The following PTPRG variants were observed in gnomAD, a reference collection of about 807,000 sequenced individuals.
PTPRG encodes the protein receptor-type tyrosine-protein phosphatase gamma.
A neutral mutation model predicts 165.3 loss-of-function variants in PTPRG; 102 were observed. That is an observed-to-expected ratio of 0.62 (90% CI 0.53 to 0.73). PTPRG has a LOEUF of 0.73. PTPRG is among the 30% of genes least tolerant of loss of function. PTPRG has a pLI of 0.00. For synonymous variants in PTPRG, 675 were observed against 669.5 expected (o/e 1.01, Z -0.13); for missense variants, 1,866 against 1,861.4 (o/e 1.00, Z -0.05).
At position 62,192,651 on chromosome 3, in the gene PTPRG, T is replaced by C. The variant is rs576703302; in HGVS notation, c.1218+998T>C. Among the ~76,000 whole-genome samples, 398 of 152,092 alleles carry C rather than the reference T, an allele frequency of 2.6e-3. 1 individual carries two copies. Among genetic ancestry groups the C allele is most frequent in the African/African-American group, 9.3e-3 (384 of 41,486 alleles). ...TGGTCTCCATCTCCTGACCTCATGA[T>C]CCGCCCACCTCGGCCTCCCAAAGTG... is the stretch of plus-strand genomic sequence containing the variant. On this transcript the variant is annotated intron_variant, in intron 9 of 29. Transcript: ENST00000474889.
At chr3:62,035,122 T>C (rs1316437926) in intron 4 of PTPRG, among the ~76,000 whole-genome samples, 7 of 152,160 alleles carry the variant, frequency 4.6e-5, no homozygotes, top group African/African-American at 1.7e-4. Flanking sequence ...AAAGTTAAAA[T>C]CTGAACACCG....
chr3:61,863,458 G>A (rs2037326983), intron 2 of PTPRG, among the ~76,000 whole-genome samples: 1 of 152,230 alleles, frequency 6.6e-6, no homozygotes, highest in Admixed American at 6.5e-5. Context: ...TTGGGAGCAA[G>A]GCAATTAGAA....
intron 1 of PTPRG, among the ~76,000 whole-genome samples, chr3:61,562,613 G>A (rs1699789544): frequency 6.6e-6 from 1 of 151,718 alleles, no homozygotes; most frequent in Non-Finnish European, 1.5e-5. Context: ...GGGGGACGCG[G>A]GGGTCTGCTC....
At chr3:62,068,582 C>T (rs919759403) in intron 4 of PTPRG, among the ~76,000 whole-genome samples, 5 of 152,102 alleles carry the variant, frequency 3.3e-5, no homozygotes, top group African/African-American at 4.8e-5. Flanking sequence ...CTCAAGTGAT[C>T]CTCCTGCCTC....
intron 5 of PTPRG, among the ~76,000 whole-genome samples, chr3:62,096,668 C>T (rs1471290790): frequency 3.3e-5 from 5 of 152,064 alleles, no homozygotes; most frequent in East Asian, 3.9e-4. Context: ...TGGGGGATTT[C>T]GTTAGTGTAT....
Position 61,676,471 on chromosome 3 carries a change from A to AAAAAAAAAAAAAAAAAAAAAAAAG in PTPRG, c.86-72404_86-72403insAAAAAAAAAAAAAAAAAAAAGAAA, listed in dbSNP as rs369505317. On this transcript the variant is annotated intron_variant, in intron 1 of 29. Coordinates refer to ENST00000474889, the MANE Select transcript of PTPRG (RefSeq NM_002841.4). Reference sequence around the variant, plus strand: ...GACTCCATCTCAAAAAAAAAAAAAAAAAAGAAAATTACTAAAGTCTGTGAA... The same window carrying AAAAAAAAAAAAAAAAAAAAAAAAG: ...GACTCCATCTCAAAAAAAAAAAAAAAAAAAAAAAAAAAAAAAAAAAAAAGAAAGAAAATTACTAAAGTCTGTGAA... Among the ~76,000 whole-genome samples the AAAAAAAAAAAAAAAAAAAAAAAAG allele has an allele frequency of 1.3e-3, 130 of 99,040 alleles. 20 individuals carry two copies. The highest frequency in any genetic ancestry group is 6.2e-3 in the Middle Eastern group (1 of 162). 65.0% of individuals were successfully genotyped at this position (99,040 alleles called of 152,430 possible).
At position 61,878,929 on chromosome 3, in the gene PTPRG, T is replaced by C. The variant is rs183072115; in HGVS notation, c.191-110696T>C. Among the ~76,000 whole-genome samples, 413 of 152,352 alleles carry C rather than the reference T, an allele frequency of 2.7e-3. 1 individual carries two copies. The Middle Eastern group carries it at 0.034, about 13-fold the overall frequency. On this transcript the variant is annotated intron_variant, in intron 2 of 29. Transcript: ENST00000474889. ...ATGGTTTTACTAGTAAGGCGTCTTA[T>C]TTTATAAGATCACTAACCTGTGCAT...
Position 62,282,865 on chromosome 3 carries a change from G to C in PTPRG, c.4051G>C (p.Asp1351His). 4 of 1,606,330 alleles carry C rather than the reference G, an allele frequency of 2.5e-6. No homozygotes were observed. Among genetic ancestry groups the C allele is most frequent in the Non-Finnish European group, 3.4e-6 (4 of 1,175,672 alleles). ...AAGGGATGGTCCCACCATTGTTCAT[G>C]ATGAGTATGTATCTGTTTCTTAATT... ...LTRDGPTIVH[D>H]EYGAVSAGML... is the part of the protein sequence containing the mutation. Residue 1351 changes from aspartate (D) to histidine (H), a missense_variant, in exon 28 of 30, where the codon GAT becomes CAT. This residue lies in a region of PTPRG where 1,452 missense variants were observed against 1,463.0 expected (regional missense o/e 0.99). Coordinates refer to ENST00000474889, the MANE Select transcript of PTPRG (RefSeq NM_002841.4).
At chr3:62,179,600 C>T (rs917418663) in intron 8 of PTPRG, among the ~76,000 whole-genome samples, 1 of 152,220 alleles carries the variant, frequency 6.6e-6, no homozygotes, top group African/African-American at 2.4e-5. Context: ...GCGTATGGAC[C>T]TATTTGCCAG....
intron 1 of PTPRG, among the ~76,000 whole-genome samples, chr3:61,653,321 C>CT (rs149611763): frequency 4.0e-5 from 6 of 151,098 alleles, no homozygotes; most frequent in Non-Finnish European, 5.9e-5. Context: ...AATTATCCCC[C>CT]TTTTTTTTTC....
intron 2 of PTPRG, among the ~76,000 whole-genome samples, chr3:61,849,814 G>A (rs765034291): frequency 6.6e-6 from 1 of 152,168 alleles, no homozygotes; most frequent in Non-Finnish European, 1.5e-5. Context: ...TTTGCTGGGA[G>A]CCATCGTTCC....
chr3:61,563,411 C>A (rs2886519), intron 1 of PTPRG, among the ~76,000 whole-genome samples: 2 of 151,742 alleles, frequency 1.3e-5, no homozygotes, highest in Non-Finnish European at 2.9e-5. Flanking sequence ...CTCCTCTCTC[C>A]CCTGGGGAGG....
intron 3 of PTPRG, among the ~76,000 whole-genome samples, chr3:61,992,286 T>C (rs771966685): frequency 3.3e-5 from 5 of 152,128 alleles, no homozygotes; most frequent in Non-Finnish European, 7.4e-5. Context: ...TTTTAACTTA[T>C]GGTGGTTTAG....
intron 5 of PTPRG, chr3:62,118,319 A>G (rs1371400922): frequency 6.6e-6 from 1 of 152,216 alleles, no homozygotes; most frequent in Non-Finnish European, 1.5e-5. Context: ...CTGTGTTCCA[A>G]TAAAACTTTA....
Position 61,636,549 on chromosome 3 carries a change from C to T in PTPRG, c.85+74177C>T, listed in dbSNP as rs1050705338. Among the ~76,000 whole-genome samples the T allele has an allele frequency of 8.5e-5, 13 of 152,264 alleles. No individual in the cohort carries two copies. The South Asian group carries it at 2.5e-3, about 29-fold the overall frequency. ...GTTGGTCAGGCTGGTCTCGAACTCC[C>T]GGCCTCAAGTGATCTGCCTGCCTTG... is the stretch of plus-strand genomic sequence containing the variant. On this transcript the variant is annotated intron_variant, in intron 1 of 29. Transcript: ENST00000474889.
At chr3:61,781,659 CTG>C (rs1270906815) in intron 2 of PTPRG, among the ~76,000 whole-genome samples, 2 of 152,122 alleles carry the variant, frequency 1.3e-5, no homozygotes, top group Non-Finnish European at 2.9e-5. Context: ...CTATTCAGCT[CTG>C]AATGTAGACA....
At chr3:61,854,672 C>A (rs556314570) in intron 2 of PTPRG, among the ~76,000 whole-genome samples, 72 of 152,254 alleles carry the variant, frequency 4.7e-4, no homozygotes, top group African/African-American at 1.7e-3. Flanking sequence ...AGATGAGATA[C>A]AGGAAGGTCT....
At chr3:61,932,344 C>G (rs1380598208) in intron 2 of PTPRG, among the ~76,000 whole-genome samples, 1 of 152,224 alleles carries the variant, frequency 6.6e-6, no homozygotes, top group South Asian at 2.1e-4. Context: ...CATTTCATTT[C>G]TGTTGCATAA....
intron 1 of PTPRG, among the ~76,000 whole-genome samples, chr3:61,621,033 G>GTGTATATATATATATATATA (rs767786792): frequency 1.2e-4 from 15 of 130,060 alleles, no homozygotes; most frequent in Non-Finnish European, 2.1e-4. Flanking sequence ...GTGTGTGTGT[G>GTGTATATATATATATATATA]TATATATATA....
Sources: allele counts gnomAD v4.1 joint callset (sites outside exome capture counted in the v4.1 genomes callset), GRCh38; gene constraint gnomAD v4.1.1; regional missense constraint gnomAD v4.1.1; transcripts MANE v1.5; gene names NCBI Gene and HGNC (gene_info 2026-07-23, HGNC 2026-07-21).